The following DHX35 variants were observed in gnomAD, a reference collection of about 807,000 sequenced individuals.
The protein encoded by DHX35 is DEAH-box helicase 35, also known as probable ATP-dependent RNA helicase DHX35.
Under a neutral mutation model 99.6 loss-of-function variants are expected in DHX35, and 84 were observed. That is an observed-to-expected ratio of 0.84 (90% confidence interval 0.71 to 1.01). The LOEUF (loss-of-function observed/expected upper bound fraction) is 1.01, where lower values mean the gene tolerates loss of function less well. DHX35 is among the 50% of genes least tolerant of loss of function. The pLI, the probability that DHX35 is intolerant of heterozygous loss-of-function variation, is 0.00. For missense variants in DHX35, 852 were observed against 888.5 expected, an observed-to-expected ratio of 0.96 and a Z score of 0.52; for synonymous variants, 331 against 316.2, an observed-to-expected ratio of 1.05 and a Z score of -0.50.
chr20:39,006,619 T>C (rs2086623609), intron 12 of DHX35, among the ~76,000 whole-genome samples: 1 of 152,236 alleles, frequency 6.6e-6, no homozygotes, highest in Admixed American at 6.5e-5. Flanking sequence ...CACAGGCCTG[T>C]GTAGCCATTT....
intron 20 of DHX35, among the ~76,000 whole-genome samples, chr20:39,033,741 A>G (rs768899515): frequency 2.0e-5 from 3 of 152,222 alleles, no homozygotes; most frequent in African/African-American, 4.8e-5. Flanking sequence ...ACAGTGCAAG[A>G]TGAGTTTTGA....
chr20:38,997,902 C>T (rs1337687229), intron 8 of DHX35, among the ~76,000 whole-genome samples: 1 of 152,128 alleles, frequency 6.6e-6, no homozygotes, highest in East Asian at 1.9e-4. Context: ...TCATCCCCTG[C>T]CCCCCAGCGG....
intron 6 of DHX35, among the ~76,000 whole-genome samples, chr20:38,992,000 T>C (rs1380460558): frequency 1.3e-5 from 2 of 152,206 alleles, no homozygotes; most frequent in Non-Finnish European, 2.9e-5. Flanking sequence ...TTGACTGTTG[T>C]TATAGCTTAA....
At position 39,003,742 on chromosome 20, in the gene DHX35, T is replaced by C. The variant is rs996255521; in HGVS notation, c.853-7T>C. The C allele has an allele frequency of 1.2e-6, 2 of 1,603,270 alleles. No homozygotes were observed. The highest frequency in any genetic ancestry group is 1.7e-6 in the Non-Finnish European group (2 of 1,171,408). On this transcript the variant is annotated splice_polypyrimidine_tract_variant and splice_region_variant and intron_variant, in intron 10 of 21. Coordinates refer to ENST00000252011, the MANE Select transcript of DHX35 (RefSeq NM_021931.4). ...GGTTTCTTTGGTTCCTGGTTCAACG[T>C]CTTTAGGAAGAGGTAGAAACTGTTG...
At chr20:39,004,579 G>A (rs1352800242) in intron 11 of DHX35, among the ~76,000 whole-genome samples, 2 of 152,218 alleles carry the variant, frequency 1.3e-5, no homozygotes, top group Non-Finnish European at 2.9e-5. Context: ...TTAAGTATCA[G>A]CTTGCCTATT....
In DHX35 at chr20:39,021,893, C is replaced by T. The variant is rs1369918442; in HGVS notation, c.1551C>T (p.Ile517=). ...TAAGCATCGCTGCCATGATGCAGATCCAGAATATCTTTGTGGTCCCCCCAA... is the reference window on the plus strand; with the variant it reads ...TAAGCATCGCTGCCATGATGCAGATTCAGAATATCTTTGTGGTCCCCCCAA... ...EILSIAAMMQ[I]QNIFVVPPNQ... Residue 517 remains isoleucine (I), a synonymous_variant, in exon 16 of 22, where the codon ATC becomes ATT. Coordinates refer to ENST00000252011, the MANE Select transcript of DHX35 (RefSeq NM_021931.4). 1.2e-6 allele frequency: 2 copies of T among 1,614,026 alleles called. No individual in the cohort carries two copies. Among genetic ancestry groups the T allele is most frequent in the African/African-American group, 2.7e-5 (2 of 74,912 alleles).
chr20:39,028,874 C>G (rs1275823736), intron 19 of DHX35, among the ~76,000 whole-genome samples: 2 of 152,206 alleles, frequency 1.3e-5, no homozygotes, highest in Non-Finnish European at 2.9e-5. Flanking sequence ...ATCTGCACGA[C>G]TGAAGTCCCC....
At chr20:39,003,197 C>G (rs545228266) in intron 10 of DHX35, among the ~76,000 whole-genome samples, 2 of 152,276 alleles carry the variant, frequency 1.3e-5, no homozygotes, top group Non-Finnish European at 2.9e-5. Context: ...CATGTTGCTG[C>G]TGTGTACCTC....
intron 2 of DHX35, among the ~76,000 whole-genome samples, chr20:38,972,053 G>T (rs1333290782): frequency 1.5e-5 from 2 of 135,654 alleles, no homozygotes; most frequent in African/African-American, 2.8e-5. Flanking sequence ...CTGTTGCTCA[G>T]GCTGAAGTGC....
chr20:38,995,563 T>C (rs1478806492), intron 8 of DHX35, among the ~76,000 whole-genome samples: 1 of 152,172 alleles, frequency 6.6e-6, no homozygotes, highest in East Asian at 1.9e-4. Context: ...TATAATAATT[T>C]CCATGTTAAA....
chr20:38,976,098 A>G (rs888738329), intron 3 of DHX35, among the ~76,000 whole-genome samples: 2 of 151,980 alleles, frequency 1.3e-5, no homozygotes, highest in Non-Finnish European at 2.9e-5. Context: ...CTGAGGATCT[A>G]GGCTGGGTAA....
intron 1 of DHX35, 54 bp from the exon 2 acceptor site, chr20:38,969,027 C>T (rs1478395726): frequency 1.3e-6 from 2 of 1,528,352 alleles, no homozygotes; most frequent in African/African-American, 1.4e-5. Flanking sequence ...AAACTTAACA[C>T]CTTTTTCTGT....
At chr20:38,978,273 C>A (rs1228509466) in intron 3 of DHX35, 4 of 771,866 alleles carry the variant, frequency 5.2e-6, no homozygotes, top group Non-Finnish European at 9.4e-6. Context: ...TTGCACCAGC[C>A]CCTGAGCTGA....
chr20:38,981,465 G>A lies in DHX35; in HGVS notation c.268-2234G>A, dbSNP rs568407222. On this transcript the variant is annotated intron_variant, in intron 3 of 21. Transcript: ENST00000252011. ...GCCCAATACTGTCATTATTTATTGT[G>A]TTGCTCAGATTGTTTCATCTTTGAA... 1.9e-4 allele frequency among the ~76,000 whole-genome samples: 29 copies of A among 152,152 alleles called. No homozygotes were observed. In the South Asian group the frequency reaches 5.8e-3, roughly 30 times the overall value.
At chr20:38,981,238 A>C (rs1459832039) in intron 3 of DHX35, among the ~76,000 whole-genome samples, 4 of 151,324 alleles carry the variant, frequency 2.6e-5, no homozygotes, top group African/African-American at 7.3e-5. Flanking sequence ...TTTTCTTCCA[A>C]CTCTCACCTA....
chr20:39,011,752 C>T (rs938718917), intron 13 of DHX35, among the ~76,000 whole-genome samples: 3 of 151,944 alleles, frequency 2.0e-5, no homozygotes, highest in Non-Finnish European at 4.4e-5. Flanking sequence ...TGTTTTTTCC[C>T]AACTGTATAT....
At chr20:39,025,784 C>G (rs1223055274) in intron 18 of DHX35, among the ~76,000 whole-genome samples, 1 of 152,144 alleles carries the variant, frequency 6.6e-6, no homozygotes. Flanking sequence ...TAGGCAGCCA[C>G]TAAAGGTAAG....
At chr20:38,994,080 T>C (rs2086384627) in intron 7 of DHX35, among the ~76,000 whole-genome samples, 1 of 152,204 alleles carries the variant, frequency 6.6e-6, no homozygotes, top group Non-Finnish European at 1.5e-5. Context: ...TAAGTTAGTC[T>C]GTATTAGTTG....
intron 8 of DHX35, among the ~76,000 whole-genome samples, chr20:39,000,476 T>G (rs377455249): frequency 6.6e-6 from 1 of 152,214 alleles, no homozygotes; most frequent in Admixed American, 6.5e-5. Flanking sequence ...CAAAAGAAAG[T>G]GAACAGGAGT....
Sources: gnomAD v4.1 joint callset for allele counts (sites outside exome capture counted in the v4.1 genomes callset) on GRCh38, gnomAD v4.1.1 for gene constraint, MANE v1.5 for transcripts, NCBI Gene and HGNC (gene_info 2026-07-23, HGNC 2026-07-21) for gene names.